Variants in PPARGC1B observed in about 807,000 individuals in gnomAD.
PPARGC1B encodes the protein peroxisome proliferator-activated receptor gamma coactivator 1-beta.
A neutral mutation model predicts 101.6 loss-of-function variants in PPARGC1B; 34 were observed. That is an observed-to-expected ratio of 0.33 (90% confidence interval 0.25 to 0.45). PPARGC1B has a LOEUF of 0.45. Ranked by LOEUF, PPARGC1B falls within the 20% of genes least tolerant of loss-of-function variation. PPARGC1B has a pLI of 1.00. For synonymous variants in PPARGC1B, 548 were observed against 539.3 expected, an observed-to-expected ratio of 1.02 and a Z score of -0.22; for missense variants, 1,234 against 1,317.6, an observed-to-expected ratio of 0.94 and a Z score of 0.98.
intron 1 of PPARGC1B, among the ~76,000 whole-genome samples, chr5:149,803,003 A>C (rs909044540): frequency 1.3e-5 from 2 of 151,008 alleles, no homozygotes; most frequent in Admixed American, 6.6e-5. Flanking sequence ...AATCCACACC[A>C]CCTCCACCCC....
At chr5:149,791,541 T>G (rs1354297833) in intron 1 of PPARGC1B, among the ~76,000 whole-genome samples, 1 of 152,082 alleles carries the variant, frequency 6.6e-6, no homozygotes, top group African/African-American at 2.4e-5. Flanking sequence ...AGATTGGGGC[T>G]GGGGGATCCA....
intron 1 of PPARGC1B, among the ~76,000 whole-genome samples, chr5:149,773,642 T>TA (rs777759173): frequency 8.5e-5 from 13 of 152,182 alleles, no homozygotes; most frequent in Non-Finnish European, 1.2e-4. Context: ...AGTGTGTAGT[T>TA]ACGCACTGAG....
At position 149,750,453 on chromosome 5, in the gene PPARGC1B, A is replaced by AATATATATATATATAT. The variant is rs55971526; in HGVS notation, c.78+20054_78+20069dup. Among the ~76,000 whole-genome samples, 454 of 123,046 alleles carry AATATATATATATATAT rather than the reference A, an allele frequency of 3.7e-3. 9 individuals are homozygous for AATATATATATATATAT. Among genetic ancestry groups the AATATATATATATATAT allele is most frequent in the Middle Eastern group, 4.7e-3 (1 of 212 alleles). The allele number at this position is 123,046 out of a possible 152,430, so 80.7% of individuals were successfully genotyped here. On this transcript the variant is annotated intron_variant, in intron 1 of 11. Transcript: ENST00000309241. The stretch of plus-strand genomic sequence containing the variant: ...TAGCTGTCTTCTCTGTTTTAGTTAA[A>AATATATATATATATAT]ATATATATATATATATATATATATA...
At chr5:149,750,338 T>A (rs1384611386) in intron 1 of PPARGC1B, among the ~76,000 whole-genome samples, 1 of 151,758 alleles carries the variant, frequency 6.6e-6, no homozygotes, top group Non-Finnish European at 1.5e-5. Flanking sequence ...TACTGACAGA[T>A]GATATCTACA....
chr5:149,797,639 G>A (rs569892869), intron 1 of PPARGC1B, among the ~76,000 whole-genome samples: 110 of 151,964 alleles, frequency 7.2e-4, no homozygotes, highest in East Asian at 1.7e-3. Flanking sequence ...AAAATGTTTC[G>A]GCTGGGCGCG....
intron 2 of PPARGC1B, among the ~76,000 whole-genome samples, chr5:149,821,080 G>A (rs142584790): frequency 2.6e-5 from 4 of 152,324 alleles, no homozygotes; most frequent in East Asian, 3.9e-4. Context: ...CTCCAGAGCC[G>A]GGACTTTACG....
At chr5:149,749,529 C>T (rs930737109) in intron 1 of PPARGC1B, among the ~76,000 whole-genome samples, 30 of 152,192 alleles carry the variant, frequency 2.0e-4, no homozygotes, top group East Asian at 1.9e-4. Flanking sequence ...CCAGTCTTTT[C>T]GGAATTGCCA....
intron 1 of PPARGC1B, among the ~76,000 whole-genome samples, chr5:149,763,631 A>G (rs945537673): frequency 1.4e-5 from 2 of 147,618 alleles, no homozygotes; most frequent in African/African-American, 5.0e-5. Flanking sequence ...CCCGGGCTCA[A>G]GTAATTCTCC....
At chr5:149,816,700 GGA>G (rs1312808028) in intron 1 of PPARGC1B, among the ~76,000 whole-genome samples, 4 of 152,322 alleles carry the variant, frequency 2.6e-5, no homozygotes, top group Admixed American at 2.6e-4. Context: ...CTGAGTTACT[GGA>G]GAGAGGGAGA....
chr5:149,789,998 G>A lies in PPARGC1B; in HGVS notation c.79-30435G>A, dbSNP rs741578. On this transcript the variant is annotated intron_variant, in intron 1 of 11. Transcript: ENST00000309241. ...TCTGTCCTTGATTTCCAGTCAAACT[G>A]CCTGGGTTTGTTTCCCGCCTCTACC... Among the ~76,000 whole-genome samples the A allele has an allele frequency of 4.2e-3, 647 of 152,286 alleles. 4 individuals carry two copies. The highest frequency in any genetic ancestry group is 0.015 in the African/African-American group (605 of 41,550).
At chr5:149,810,521 C>T (rs542652876) in intron 1 of PPARGC1B, among the ~76,000 whole-genome samples, 6 of 152,346 alleles carry the variant, frequency 3.9e-5, no homozygotes, top group East Asian at 1.9e-4. Flanking sequence ...GACACAGCAA[C>T]GAGAGACTTT....
At chr5:149,755,597 GTTATTATTATTATTATTGTTATTATTA>G (rs1181102465) in intron 1 of PPARGC1B, among the ~76,000 whole-genome samples, 2,331 of 122,504 alleles carry the variant, frequency 0.019, 57 homozygotes, top group African/African-American at 0.065. Flanking sequence ...TGTTGTTGTT[GTTATTATTATTATTATTGTTATTATTA>G]TTATTATTAT....
chr5:149,781,292 A>G (rs1323123753), intron 1 of PPARGC1B, among the ~76,000 whole-genome samples: 3 of 151,402 alleles, frequency 2.0e-5, no homozygotes, highest in Non-Finnish European at 4.4e-5. Context: ...CTGTCATGGG[A>G]GATATGAGAG....
chr5:149,836,664 A>G lies in PPARGC1B; in HGVS notation c.2209A>G (p.Arg737Gly). 1 of 1,613,786 alleles carries G rather than the reference A, an allele frequency of 6.2e-7. No individual in the cohort carries two copies. Among genetic ancestry groups the G allele is most frequent in the South Asian group, 1.1e-5 (1 of 91,088 alleles). The change falls in exon 8 of 12, where the codon AGG (arginine) becomes GGG (glycine). Residue 737 changes from arginine to glycine, a missense_variant. Arg to Gly is a moderately radical substitution (Grantham distance 125). This residue lies in a region of PPARGC1B where 497 missense variants were observed against 529.5 expected (regional missense o/e 0.94). Coordinates refer to ENST00000309241, the MANE Select transcript of PPARGC1B (RefSeq NM_133263.4). The part of the protein sequence containing the change: ...APWAEAQAPG[R>G]EEDRSCDAGA... ...TTGGGCTGAGGCACAGGCCCCTGGC[A>G]GGGAGGAAGACAGAAGCTGTGATGC...
chr5:149,802,923 T>C (rs1757477183), intron 1 of PPARGC1B, among the ~76,000 whole-genome samples: 1 of 152,132 alleles, frequency 6.6e-6, no homozygotes, highest in African/African-American at 2.4e-5. Flanking sequence ...ATGAGTAGCA[T>C]AGGGAGGAGC....
chr5:149,823,624 G>A (rs940733245), intron 2 of PPARGC1B, among the ~76,000 whole-genome samples: 1 of 152,086 alleles, frequency 6.6e-6, no homozygotes, highest in Admixed American at 6.5e-5. Context: ...GGAGAGCCGA[G>A]CTAATGGGCC....
In PPARGC1B at chr5:149,832,079, G is replaced by T. The variant is rs1758805382; in HGVS notation, c.583-577G>T. ...CCCAGCACTTTGGGAGGCTGAGGCG[G>T]GAGGATCACTTGAGCTCAGGAGTTC... On this transcript the variant is annotated intron_variant, in intron 4 of 11. Coordinates refer to ENST00000309241, the MANE Select transcript of PPARGC1B (RefSeq NM_133263.4). This position sits in a 1 kb window ranked among gnomAD's most constrained non-coding sequence, Gnocchi z 4.9. Among the ~76,000 whole-genome samples the T allele has an allele frequency of 6.6e-6, 1 of 152,168 alleles. No homozygotes were observed. Among genetic ancestry groups the T allele is most frequent in the Non-Finnish European group, 1.5e-5 (1 of 68,028 alleles).
chr5:149,854,587 AT>A lies in PPARGC1B; in HGVS notation c.*7035del, dbSNP rs1250898971. 2 of 151,764 alleles carry A rather than the reference AT, an allele frequency of 1.3e-5. No individual in the cohort carries two copies. Among genetic ancestry groups the A allele is most frequent in the Non-Finnish European group, 2.9e-5 (2 of 67,970 alleles). The allele number at this position is 151,764 out of a possible 1,614,324, so 9.4% of individuals were successfully genotyped here. A position where few individuals can be genotyped will look rare whatever the true frequency, so the allele number is the denominator to read the frequency against. On this transcript the variant is annotated 3_prime_UTR_variant, in exon 12 of 12. Coordinates refer to ENST00000309241, the MANE Select transcript of PPARGC1B (RefSeq NM_133263.4). ...TTTAATTGGTAGAGGATTTTTATAT[AT>A]TTTTTCCATTTTGTTGGGTTGTGTC... is the stretch of plus-strand genomic sequence containing the variant.
rs555548369 is a variant in PPARGC1B, at chr5:149,784,743, A to G, written c.79-35690A>G. Among the ~76,000 whole-genome samples, 337 of 151,220 alleles carry G rather than the reference A, an allele frequency of 2.2e-3. 3 individuals are homozygous for G. The highest frequency in any genetic ancestry group is 7.4e-3 in the African/African-American group (307 of 41,270). ...CCACCACGCCCGGCTAATTTTTTGT[A>G]TTTTTAGTAGAGACGGGGTTTCACC... On this transcript the variant is annotated intron_variant, in intron 1 of 11. Coordinates refer to ENST00000309241, the MANE Select transcript of PPARGC1B (RefSeq NM_133263.4).
Sources: gnomAD v4.1 joint callset for allele counts (sites outside exome capture counted in the v4.1 genomes callset) on GRCh38, gnomAD v4.1.1 for gene constraint, gnomAD v4.1.1 regional missense constraint, Gnocchi (gnomAD v3.1) non-coding constraint, MANE v1.5 for transcripts, NCBI Gene and HGNC (gene_info 2026-07-23, HGNC 2026-07-21) for gene names.